ALK: variants seen among roughly 807,000 people sequenced by gnomAD.
The protein encoded by ALK is ALK tyrosine kinase receptor.
In ALK, 74 loss-of-function variants were observed where a neutral mutation model predicts 163.1. The ratio of observed to expected loss-of-function variants is 0.45; its 90% CI spans 0.38 to 0.55. The LOEUF (loss-of-function observed/expected upper bound fraction) is 0.55, where lower values mean the gene tolerates loss of function less well. Among genes scored for constraint, ALK ranks in the 20% least tolerant of loss-of-function variants. ALK has a pLI of 0.00. For synonymous variants in ALK, 960 were observed against 843.2 expected (o/e 1.14, Z -2.40); for missense variants, 2,063 against 2,105.3 (o/e 0.98, Z 0.39).
chr2:29,502,176 G>A (rs1444473173), intron 4 of ALK, among the ~76,000 whole-genome samples: 2 of 152,154 alleles, frequency 1.3e-5, no homozygotes, highest in Non-Finnish European at 2.9e-5. Flanking sequence ...CTGCTCTTGC[G>A]AAGCATATAG....
chr2:29,210,182 TGTAA>T (rs1669426312), intron 24 of ALK, among the ~76,000 whole-genome samples: 1 of 151,486 alleles, frequency 6.6e-6, no homozygotes, highest in African/African-American at 2.5e-5. Flanking sequence ...TAAGTGTTGT[TGTAA>T]GTGCTTCATA....
intron 1 of ALK, among the ~76,000 whole-genome samples, chr2:29,863,373 G>C (rs1354456672): frequency 2.6e-5 from 4 of 152,094 alleles, no homozygotes; most frequent in Admixed American, 6.5e-5. Flanking sequence ...AACCATACAT[G>C]TATAAAGTGG....
At chr2:29,771,933 A>C (rs1309488252) in intron 1 of ALK, among the ~76,000 whole-genome samples, 1 of 152,104 alleles carries the variant, frequency 6.6e-6, no homozygotes, top group Non-Finnish European at 1.5e-5. Flanking sequence ...TCTCCTCTGC[A>C]CTCTTTCTCA....
intron 1 of ALK, among the ~76,000 whole-genome samples, chr2:29,902,203 T>C (rs1371105793): frequency 1.3e-5 from 2 of 152,302 alleles, no homozygotes; most frequent in African/African-American, 2.4e-5. Flanking sequence ...CAGGTGCAAA[T>C]TGAACTCAAC....
In ALK at chr2:29,571,602, C is replaced by CTTTTTT. The variant is rs60429543; in HGVS notation, c.953-39492_953-39487dup. Among the ~76,000 whole-genome samples the CTTTTTT allele has an allele frequency of 8.4e-3, 577 of 68,462 alleles. 45 individuals are homozygous for CTTTTTT. The highest frequency in any genetic ancestry group is 0.011 in the East Asian group (29 of 2,658). 44.9% of individuals were successfully genotyped at this position (68,462 alleles called of 152,430 possible). Reference sequence around the variant, plus strand: ...TAAATTACCTAGTCTTGGCTCATATCTTTTTTTTTTTTTTTTTTTTTTTTT... The same window carrying CTTTTTT: ...TAAATTACCTAGTCTTGGCTCATATCTTTTTTTTTTTTTTTTTTTTTTTTTTTTTTT... On this transcript the variant is annotated intron_variant, in intron 3 of 28. Transcript: ENST00000389048.
intron 25 of ALK, 91 bp downstream of exon 25, chr2:29,209,695 A>G: frequency 1.1e-6 from 1 of 898,402 alleles, no homozygotes; most frequent in Non-Finnish European, 1.8e-6. Flanking sequence ...GGGTACCAGG[A>G]GATGATGTAA....
chr2:29,258,217 G>A (rs1664997800), intron 11 of ALK, among the ~76,000 whole-genome samples: 1 of 151,986 alleles, frequency 6.6e-6, no homozygotes, highest in Non-Finnish European at 1.5e-5. Flanking sequence ...TTCTCCATGG[G>A]GCAGTTCAAC....
At chr2:29,594,934 T>G (rs566659119) in intron 3 of ALK, among the ~76,000 whole-genome samples, 2 of 144,800 alleles carry the variant, frequency 1.4e-5, no homozygotes, top group African/African-American at 2.6e-5. Flanking sequence ...TTGAAATAAA[T>G]GAAGTATCTG....
intron 5 of ALK, 28 bp downstream of exon 5, chr2:29,383,704 G>C (rs2148301327): frequency 6.2e-7 from 1 of 1,613,914 alleles, no homozygotes; most frequent in Non-Finnish European, 8.5e-7. Flanking sequence ...AGGCTACCAA[G>C]GAGCGTGGGA....
chr2:29,744,823 A>C (rs1344546475), intron 1 of ALK, among the ~76,000 whole-genome samples: 1 of 151,966 alleles, frequency 6.6e-6, no homozygotes, highest in East Asian at 1.9e-4. Context: ...ACCGAGAGAG[A>C]GAGCAGATGG....
chr2:29,266,780 C>T (rs1665233237), intron 11 of ALK, among the ~76,000 whole-genome samples: 1 of 152,164 alleles, frequency 6.6e-6, no homozygotes, highest in Non-Finnish European at 1.5e-5. Flanking sequence ...ACTATTTAAG[C>T]ATCTGTAGAA....
At chr2:29,508,440 G>A (rs557558539) in intron 4 of ALK, among the ~76,000 whole-genome samples, 13 of 152,044 alleles carry the variant, frequency 8.6e-5, no homozygotes, top group East Asian at 3.9e-4. Context: ...GCAAACTATC[G>A]CAGGGACAAA....
chr2:29,571,522 C>T (rs1165779630), intron 3 of ALK, among the ~76,000 whole-genome samples: 1 of 150,886 alleles, frequency 6.6e-6, no homozygotes, highest in East Asian at 2.0e-4. Flanking sequence ...TTCTAAGTTT[C>T]CTGAGGCCTC....
chr2:29,441,332 G>T (rs1343465924), intron 4 of ALK, among the ~76,000 whole-genome samples: 1 of 152,226 alleles, frequency 6.6e-6, no homozygotes, highest in African/African-American at 2.4e-5. Flanking sequence ...CACAGAGTGG[G>T]CATTAGCCTG....
chr2:29,617,657 C>T (rs1249812113), intron 3 of ALK, among the ~76,000 whole-genome samples: 2 of 152,176 alleles, frequency 1.3e-5, no homozygotes, highest in African/African-American at 4.8e-5. Flanking sequence ...AACCCCCCTT[C>T]CCTTGACCCA....
At chr2:29,240,770 T>C (rs951584875) in intron 12 of ALK, among the ~76,000 whole-genome samples, 1 of 152,156 alleles carries the variant, frequency 6.6e-6, no homozygotes, top group African/African-American at 2.4e-5. Flanking sequence ...CGGCATGTCT[T>C]GAAGACAGCT....
chr2:29,221,538 G>T lies in ALK; in HGVS notation c.3516-703C>A, dbSNP rs563537028. Among the ~76,000 whole-genome samples the T allele has an allele frequency of 7.0e-4, 106 of 152,196 alleles. 2 individuals are homozygous for T. The highest frequency in any genetic ancestry group is 1.3e-3 in the Non-Finnish European group (88 of 67,992). ...CAAGTAGTGAGATTTGAGTGATATG[G>T]GTCTTCTTCAATATAATCTCATACT... is the stretch of plus-strand genomic sequence containing the variant. On this transcript the variant is annotated intron_variant, in intron 22 of 28. Transcript: ENST00000389048.
In ALK at chr2:29,891,804, G is replaced by A. The variant is rs150812405; in HGVS notation, c.667+28189C>T. On this transcript the variant is annotated intron_variant, in intron 1 of 28. Coordinates refer to ENST00000389048, the MANE Select transcript of ALK (RefSeq NM_004304.5). ...TAAGGAAGGTCAGTGCCATGTCACAGGTGGAAGCTTAGATGCAGCAGGACT... is the reference window on the plus strand; with the variant it reads ...TAAGGAAGGTCAGTGCCATGTCACAAGTGGAAGCTTAGATGCAGCAGGACT... Among the ~76,000 whole-genome samples the A allele has an allele frequency of 4.1e-3, 622 of 152,294 alleles. 4 individuals are homozygous for A. Among genetic ancestry groups the A allele is most frequent in the African/African-American group, 0.014 (587 of 41,564 alleles).
chr2:29,220,882 G>A (rs766495473), intron 22 of ALK, 47 bp from the exon 23 acceptor site: 25 of 1,612,244 alleles, frequency 1.6e-5, no homozygotes, highest in East Asian at 2.2e-5. Flanking sequence ...AGCTGAGTCT[G>A]GGCAAATCTT....
Sources: allele counts gnomAD v4.1 joint callset (sites outside exome capture counted in the v4.1 genomes callset), GRCh38; gene constraint gnomAD v4.1.1; transcripts MANE v1.5; gene names NCBI Gene and HGNC (gene_info 2026-07-23, HGNC 2026-07-21).